Variants in MARCHF10 observed in about 807,000 individuals in gnomAD.
MARCHF10 encodes probable E3 ubiquitin-protein ligase MARCHF10.
A neutral mutation model predicts 76.2 loss-of-function variants in MARCHF10; 64 were observed. That is an observed-to-expected ratio of 0.84 (90% confidence interval 0.69 to 1.03). The LOEUF (loss-of-function observed/expected upper bound fraction) is 1.03. MARCHF10 is among the 50% of genes least tolerant of loss of function. The pLI, the probability that MARCHF10 is intolerant of heterozygous loss-of-function variation, is 0.00. For missense variants in MARCHF10, 875 were observed against 958.0 expected (o/e 0.91, Z 1.14); for synonymous variants, 340 against 357.5 (o/e 0.95, Z 0.55).
intron 2 of MARCHF10, among the ~76,000 whole-genome samples, chr17:62,799,030 G>A (rs1175008476): frequency 6.6e-6 from 1 of 152,214 alleles, no homozygotes; most frequent in East Asian, 1.9e-4. Flanking sequence ...TTGTGTGAGT[G>A]TGTGAAACCC....
At chr17:62,734,298 TG>T (rs2091166445) in intron 6 of MARCHF10, among the ~76,000 whole-genome samples, 1 of 149,030 alleles carries the variant, frequency 6.7e-6, no homozygotes, top group Non-Finnish European at 1.5e-5. Context: ...ATGGTCAGGG[TG>T]GGTGTGGGGA....
chr17:62,708,533 C>T (rs1290830280), intron 9 of MARCHF10, among the ~76,000 whole-genome samples: 9 of 152,152 alleles, frequency 5.9e-5, no homozygotes, highest in South Asian at 2.1e-4. Flanking sequence ...TGTGAGCCAC[C>T]GCACCTGGCC....
Position 62,701,437 on chromosome 17 carries a change from C to T in MARCHF10, c.*266G>A. 2 of 707,008 alleles carry T rather than the reference C, an allele frequency of 2.8e-6. No homozygotes were observed. Among genetic ancestry groups the T allele is most frequent in the Non-Finnish European group, 4.4e-6 (2 of 454,746 alleles). 43.8% of individuals were successfully genotyped at this position (707,008 alleles called of 1,614,324 possible). ...CACTGGACCTGGCAGGGCTTCTGGG[C>T]TAAGGGGGCAGCACCAGGCCAGCCT... On this transcript the variant is annotated 3_prime_UTR_variant, in exon 11 of 11. Coordinates refer to ENST00000311269, the MANE Select transcript of MARCHF10 (RefSeq NM_152598.4).
intron 8 of MARCHF10, among the ~76,000 whole-genome samples, chr17:62,716,687 A>C (rs2090217405): frequency 6.8e-6 from 1 of 147,140 alleles, no homozygotes; most frequent in Non-Finnish European, 1.5e-5. Flanking sequence ...GTAATTAAAC[A>C]AAAGCAAAAA....
intron 2 of MARCHF10, among the ~76,000 whole-genome samples, chr17:62,794,472 T>C (rs1325374004): frequency 6.6e-6 from 1 of 152,228 alleles, no homozygotes; most frequent in Non-Finnish European, 1.5e-5. Context: ...CATCCTTGTT[T>C]TTCTGCCCTG....
intron 3 of MARCHF10, among the ~76,000 whole-genome samples, chr17:62,777,723 AAAAAG>A (rs1221903023): frequency 6.7e-6 from 1 of 150,254 alleles, no homozygotes; most frequent in African/African-American, 2.4e-5. Context: ...CAAAAAAAAA[AAAAAG>A]AAAAAAAAAA....
chr17:62,752,218 G>C (rs1392519778), intron 4 of MARCHF10, among the ~76,000 whole-genome samples: 1 of 151,842 alleles, frequency 6.6e-6, no homozygotes, highest in Non-Finnish European at 1.5e-5. Context: ...CTTTACAGTT[G>C]TTATCTCCCA....
At chr17:62,742,041 T>G (rs1307529571) in intron 5 of MARCHF10, among the ~76,000 whole-genome samples, 1 of 117,406 alleles carries the variant, frequency 8.5e-6, no homozygotes, top group Admixed American at 9.8e-5. Flanking sequence ...TTTTTTGAGA[T>G]GGAGTCTCAC....
rs552427852 is a variant in MARCHF10 at position 62,798,391 on chromosome 17, A to C, written c.90+3255T>G. Among the ~76,000 whole-genome samples the C allele has an allele frequency of 5.3e-5, 8 of 151,264 alleles. No individual in the cohort carries two copies. In the East Asian group the frequency reaches 1.6e-3, roughly 30 times the overall value. Reference sequence around the variant, plus strand: ...ATAATCCCAGCACTTTGGGAGGCTGAGACAGGAGGATGACCTGAGGCCAGG... The same window carrying C: ...ATAATCCCAGCACTTTGGGAGGCTGCGACAGGAGGATGACCTGAGGCCAGG... On this transcript the variant is annotated intron_variant, in intron 2 of 10. Transcript: ENST00000311269.
At chr17:62,773,145 A>G (rs578062134) in intron 3 of MARCHF10, among the ~76,000 whole-genome samples, 2 of 152,142 alleles carry the variant, frequency 1.3e-5, no homozygotes, top group Non-Finnish European at 2.9e-5. Flanking sequence ...GAGGAATCCC[A>G]AGGTTCAGAG....
intron 6 of MARCHF10, chr17:62,735,315 C>T (rs897919060): frequency 1.3e-5 from 2 of 152,222 alleles, no homozygotes; most frequent in Admixed American, 6.6e-5. Context: ...ATCCCCAAAT[C>T]ATCTCACAAA....
intron 5 of MARCHF10, among the ~76,000 whole-genome samples, chr17:62,741,352 G>C (rs185523165): frequency 6.6e-6 from 1 of 152,238 alleles, no homozygotes; most frequent in East Asian, 1.9e-4. Flanking sequence ...AAATTGCTAG[G>C]TCAAAAGGTA....
At chr17:62,708,915 G>A (rs2089756989) in intron 9 of MARCHF10, among the ~76,000 whole-genome samples, 1 of 152,180 alleles carries the variant, frequency 6.6e-6, no homozygotes, top group Non-Finnish European at 1.5e-5. Context: ...GAAACCCCAG[G>A]AAGCCCCAGC....
At chr17:62,765,482 C>A (rs558154117) in intron 3 of MARCHF10, among the ~76,000 whole-genome samples, 1 of 151,898 alleles carries the variant, frequency 6.6e-6, no homozygotes. Context: ...AGGCTTCTCT[C>A]GGATTTTCAG....
intron 1 of MARCHF10, chr17:62,804,833 C>T (rs995902585): frequency 1.3e-5 from 2 of 152,172 alleles, no homozygotes; most frequent in African/African-American, 4.8e-5. Context: ...TTTTTTACAA[C>T]TGCTGTGTGT....
At chr17:62,720,260 C>T (rs183697327) in intron 8 of MARCHF10, among the ~76,000 whole-genome samples, 1 of 152,254 alleles carries the variant, frequency 6.6e-6, no homozygotes, top group African/African-American at 2.4e-5. Context: ...ACGTGATGTA[C>T]TGGGTAAAAG....
intron 3 of MARCHF10, among the ~76,000 whole-genome samples, chr17:62,784,425 T>C (rs2092712888): frequency 1.3e-5 from 2 of 152,194 alleles, no homozygotes; most frequent in African/African-American, 4.8e-5. Context: ...TCATACTGAA[T>C]GGGCAAAAAC....
chr17:62,765,980 G>A (rs2092320311), intron 3 of MARCHF10, among the ~76,000 whole-genome samples: 1 of 150,712 alleles, frequency 6.6e-6, no homozygotes. Flanking sequence ...AGGCACTTGA[G>A]CCCAGGAGTT....
intron 6 of MARCHF10, chr17:62,735,508 G>A: frequency 6.3e-6 from 1 of 159,866 alleles, no homozygotes; most frequent in Non-Finnish European, 1.4e-5. Context: ...TAGAACTGTT[G>A]GTTGGATTTG....
Sources: gnomAD v4.1 joint callset for allele counts (sites outside exome capture counted in the v4.1 genomes callset) on GRCh38, gnomAD v4.1.1 for gene constraint, MANE v1.5 for transcripts, NCBI Gene and HGNC (gene_info 2026-07-23, HGNC 2026-07-21) for gene names.